The following GRM8 variants were observed in gnomAD, a reference collection of about 807,000 sequenced individuals.
The protein encoded by GRM8 is metabotropic glutamate receptor 8.
In GRM8, 47 loss-of-function variants were observed where a neutral mutation model predicts 87.2. That is an observed-to-expected ratio of 0.54 (90% confidence interval 0.43 to 0.69). The LOEUF (loss-of-function observed/expected upper bound fraction) is 0.69. Among genes scored for constraint, GRM8 ranks in the 30% least tolerant of loss-of-function variants. The pLI is 0.00. For missense variants in GRM8, 1,019 were observed against 1,139.2 expected (o/e 0.89, Z 1.52); for synonymous variants, 396 against 404.5 (o/e 0.98, Z 0.25).
chr7:126,822,133 A>G (rs147122088), intron 6 of GRM8, among the ~76,000 whole-genome samples: 5 of 152,270 alleles, frequency 3.3e-5, no homozygotes, highest in Non-Finnish European at 7.4e-5. Context: ...ATGTCACAGG[A>G]AAGTGTTTTG....
chr7:127,223,999 T>C (rs773254360), intron 2 of GRM8, among the ~76,000 whole-genome samples: 7 of 142,378 alleles, frequency 4.9e-5, no homozygotes, highest in Non-Finnish European at 1.1e-4. Flanking sequence ...AACTTACAGA[T>C]AAAACAATTA....
chr7:127,070,695 T>C (rs994499394), intron 3 of GRM8, among the ~76,000 whole-genome samples: 2 of 152,186 alleles, frequency 1.3e-5, no homozygotes, highest in African/African-American at 4.8e-5. Context: ...GCACATTATA[T>C]GTATAAATAA....
intron 6 of GRM8, among the ~76,000 whole-genome samples, chr7:126,879,732 T>C (rs1368048457): frequency 2.6e-5 from 4 of 152,258 alleles, no homozygotes; most frequent in Admixed American, 2.0e-4. Context: ...ATTATACTAA[T>C]TTTTTCACAT....
chr7:126,643,080 T>C (rs909118913), intron 7 of GRM8, among the ~76,000 whole-genome samples: 3 of 151,190 alleles, frequency 2.0e-5, no homozygotes, highest in African/African-American at 4.9e-5. Flanking sequence ...TGTTTGAGCA[T>C]AGGAATTTGA....
intron 9 of GRM8, among the ~76,000 whole-genome samples, chr7:126,489,232 T>C (rs1231446673): frequency 7.1e-6 from 1 of 140,618 alleles, no homozygotes; most frequent in Non-Finnish European, 1.5e-5. Context: ...TATGAGAAAG[T>C]TTTTTTTTGA....
intron 6 of GRM8, among the ~76,000 whole-genome samples, chr7:126,902,126 G>T (rs967293956): frequency 1.1e-4 from 17 of 152,272 alleles, no homozygotes; most frequent in Admixed American, 5.9e-4. Context: ...GAAAATAATA[G>T]TATTATAGAG....
chr7:127,079,732 G>C (rs71578211), intron 3 of GRM8, among the ~76,000 whole-genome samples: 65 of 152,270 alleles, frequency 4.3e-4, no homozygotes, highest in Non-Finnish European at 6.9e-4. Flanking sequence ...ATTTGCCTCG[G>C]GATACATTGG....
rs770814840 is a variant in GRM8, at chr7:127,243,117, T to C, written c.88A>G (p.Arg30Gly). 6.2e-7 allele frequency: 1 copy of C among 1,614,062 alleles called. No homozygotes were observed. The highest frequency in any genetic ancestry group is 8.5e-7 in the Non-Finnish European group (1 of 1,179,994). ...KFYWILTMMQRTHSQEYAHSI... is the reference protein window; with the variant it reads ...KFYWILTMMQGTHSQEYAHSI... ...TGGGCATACTCCTGGCTGTGAGTTCTTTGCATCATTGTGAGGATCCAGTAG... is the reference window on the plus strand; with the variant it reads ...TGGGCATACTCCTGGCTGTGAGTTCCTTGCATCATTGTGAGGATCCAGTAG... The change falls in exon 2 of 11, where the codon AGA becomes GGA. Residue 30 changes from arginine to glycine, a missense_variant. Arg to Gly is a moderately radical substitution (Grantham distance 125). Coordinates refer to ENST00000339582, the MANE Select transcript of GRM8 (RefSeq NM_000845.3).
At chr7:127,015,175 G>GAA in intron 3 of GRM8, among the ~76,000 whole-genome samples, 2 of 55,760 alleles carry the variant, frequency 3.6e-5, no homozygotes, top group Admixed American at 1.6e-4. Flanking sequence ...AGAAGGAGAA[G>GAA]GAGAAGAAGA....
intron 2 of GRM8, among the ~76,000 whole-genome samples, chr7:127,235,038 C>A (rs1797903907): frequency 6.6e-6 from 1 of 152,200 alleles, no homozygotes; most frequent in East Asian, 1.9e-4. Flanking sequence ...TAGACCCTGA[C>A]TTATTCTAGA....
chr7:127,032,527 C>T (rs1007362780), intron 3 of GRM8, among the ~76,000 whole-genome samples: 4 of 152,142 alleles, frequency 2.6e-5, no homozygotes, highest in African/African-American at 9.7e-5. Context: ...CAATGCTCTG[C>T]TCCTTATAGA....
intron 2 of GRM8, among the ~76,000 whole-genome samples, chr7:127,171,015 C>T (rs933892670): frequency 6.6e-6 from 1 of 152,106 alleles, no homozygotes; most frequent in African/African-American, 2.4e-5. Flanking sequence ...ATTAAAAAAA[C>T]CATTCGTGAC....
At chr7:126,585,862 AT>A (rs1796066112) in intron 8 of GRM8, among the ~76,000 whole-genome samples, 1 of 152,194 alleles carries the variant, frequency 6.6e-6, no homozygotes, top group Admixed American at 6.5e-5. Context: ...AATAAAGGGT[AT>A]TCAATTAGGA....
intron 9 of GRM8, among the ~76,000 whole-genome samples, chr7:126,481,799 G>A (rs1331108585): frequency 1.3e-5 from 2 of 152,008 alleles, no homozygotes; most frequent in African/African-American, 2.4e-5. Context: ...AGTTTTCTTA[G>A]TATGTTAGTT....
At chr7:126,606,333 A>T (rs748221411) in intron 8 of GRM8, among the ~76,000 whole-genome samples, 1 of 152,186 alleles carries the variant, frequency 6.6e-6, no homozygotes, top group Non-Finnish European at 1.5e-5. Flanking sequence ...TGAATTAATC[A>T]TAAGTAACAT....
intron 6 of GRM8, among the ~76,000 whole-genome samples, chr7:126,849,581 C>G (rs1797016345): frequency 6.6e-6 from 1 of 152,112 alleles, no homozygotes; most frequent in Non-Finnish European, 1.5e-5. Context: ...CTTTATTTCC[C>G]TAAACCCCCA....
intron 7 of GRM8, among the ~76,000 whole-genome samples, chr7:126,680,949 G>A (rs967627470): frequency 2.0e-5 from 3 of 152,104 alleles, no homozygotes; most frequent in Admixed American, 6.5e-5. Flanking sequence ...TATCACTACC[G>A]CCTTTCCCCT....
At chr7:127,106,403 A>T (rs1825804581) in intron 3 of GRM8, 93 bp downstream of exon 3, 1 of 966,132 alleles carries the variant, frequency 1.0e-6, no homozygotes, top group Non-Finnish European at 1.6e-6. Flanking sequence ...AGGAGTTCCA[A>T]TTATTCCCTA....
chr7:126,985,428 C>A (rs1005870820), intron 3 of GRM8, among the ~76,000 whole-genome samples: 1 of 152,136 alleles, frequency 6.6e-6, no homozygotes, highest in Admixed American at 6.5e-5. Flanking sequence ...AAATGTTTTT[C>A]TCTTATGTAT....
Sources: allele counts gnomAD v4.1 joint callset (sites outside exome capture counted in the v4.1 genomes callset), GRCh38; gene constraint gnomAD v4.1.1; transcripts MANE v1.5; gene names NCBI Gene and HGNC (gene_info 2026-07-23, HGNC 2026-07-21).